Variants in HHAT observed in about 807,000 individuals in gnomAD.
The protein encoded by HHAT is hedgehog acyltransferase, also known as protein-cysteine N-palmitoyltransferase HHAT.
Under a neutral mutation model 70.8 loss-of-function variants are expected in HHAT, and 47 were observed. The ratio of observed to expected loss-of-function variants is 0.66; its 90% CI spans 0.53 to 0.85. The LOEUF is 0.85. Ranked by LOEUF, HHAT falls within the 40% of genes least tolerant of loss-of-function variation. The pLI, the probability that HHAT is intolerant of heterozygous loss-of-function variation, is 0.00. For synonymous variants in HHAT, 228 were observed against 247.6 expected, an observed-to-expected ratio of 0.92 and a Z score of 0.74; for missense variants, 609 against 604.8, an observed-to-expected ratio of 1.01 and a Z score of -0.07.
intron 9 of HHAT, among the ~76,000 whole-genome samples, chr1:210,542,517 G>A (rs1350189808): frequency 6.7e-6 from 1 of 150,362 alleles, no homozygotes. Context: ...ATATATATTG[G>A]TTGGATGCAG....
intron 9 of HHAT, among the ~76,000 whole-genome samples, chr1:210,560,860 G>C (rs1270947674): frequency 9.5e-6 from 1 of 105,290 alleles, no homozygotes; most frequent in African/African-American, 3.4e-5. Flanking sequence ...AACCAGAGTA[G>C]AATGTGGTGG....
At chr1:210,485,224 C>G (rs2094456735) in intron 8 of HHAT, among the ~76,000 whole-genome samples, 1 of 152,158 alleles carries the variant, frequency 6.6e-6, no homozygotes, top group Non-Finnish European at 1.5e-5. Context: ...AGAATAAGAA[C>G]ACATCTATAT....
chr1:210,498,437 T>C (rs955307345), intron 8 of HHAT, among the ~76,000 whole-genome samples: 1 of 152,230 alleles, frequency 6.6e-6, no homozygotes, highest in African/African-American at 2.4e-5. Context: ...ATTTAGTTTT[T>C]ATAACACAGA....
At chr1:210,522,365 A>G (rs2095171338) in intron 9 of HHAT, among the ~76,000 whole-genome samples, 1 of 152,208 alleles carries the variant, frequency 6.6e-6, no homozygotes. Context: ...GAAGCTAAGG[A>G]TCTGTGTGGT....
At chr1:210,565,806 C>T (rs1654587224) in intron 9 of HHAT, among the ~76,000 whole-genome samples, 1 of 152,138 alleles carries the variant, frequency 6.6e-6, no homozygotes, top group South Asian at 2.1e-4. Flanking sequence ...TTTCTTCAAC[C>T]TAAGTTGTCT....
At chr1:210,416,072 C>G (rs17016136) in intron 6 of HHAT, among the ~76,000 whole-genome samples, 4,229 of 152,258 alleles carry the variant, frequency 0.028, 205 homozygotes, top group African/African-American at 0.097. Flanking sequence ...ATGAGCCGAC[C>G]AAAATTTCTT....
intron 10 of HHAT, among the ~76,000 whole-genome samples, chr1:210,592,893 A>G (rs1049983221): frequency 3.5e-5 from 3 of 84,866 alleles, no homozygotes; most frequent in African/African-American, 1.2e-4. Context: ...TTTTTTTTTT[A>G]TTATACTTTA....
rs1346604226 is a variant in HHAT at position 210,329,054 on chromosome 1, C to A, written c.-94C>A. ...AGTGCCGAAAGAGGGGTGTTGGGAA[C>A]TCGCGGCGCGCGTGAACGTTGCCGT... is the stretch of plus-strand genomic sequence containing the variant. On this transcript the variant is annotated 5_prime_UTR_variant, in exon 1 of 12. Transcript: ENST00000261458. 9 of 1,432,740 alleles carry A rather than the reference C, an allele frequency of 6.3e-6. No homozygotes were observed. Among genetic ancestry groups the A allele is most frequent in the Middle Eastern group, 1.8e-4 (1 of 5,646 alleles). 88.8% of individuals were successfully genotyped at this position (1,432,740 alleles called of 1,614,324 possible). A position where few individuals can be genotyped will look rare whatever the true frequency, so the allele number is the denominator to read the frequency against.
intron 6 of HHAT, among the ~76,000 whole-genome samples, chr1:210,406,684 C>T (rs142664467): frequency 6.6e-6 from 1 of 152,306 alleles, no homozygotes; most frequent in East Asian, 1.9e-4. Context: ...AGCCTGGCCT[C>T]CCTTTTCAAA....
intron 8 of HHAT, among the ~76,000 whole-genome samples, chr1:210,493,360 C>G (rs2094581081): frequency 6.6e-6 from 1 of 152,168 alleles, no homozygotes; most frequent in Non-Finnish European, 1.5e-5. Context: ...AGTTGATGTT[C>G]TACTTTTGAA....
chr1:210,487,663 T>C (rs943021786), intron 8 of HHAT, among the ~76,000 whole-genome samples: 10 of 152,240 alleles, frequency 6.6e-5, no homozygotes, highest in Admixed American at 6.5e-4. Flanking sequence ...TGGCATATTA[T>C]TTTGAGCTAA....
rs115498744 is a variant in HHAT, at chr1:210,539,412, C to T, written c.1043+26224C>T. ...CCTCTTCTCACAGAATAGTCTTGACCTGGAAGGACCTATGGAGTAGGAAGG... is the reference window on the plus strand; with the variant it reads ...CCTCTTCTCACAGAATAGTCTTGACTTGGAAGGACCTATGGAGTAGGAAGG... On this transcript the variant is annotated intron_variant, in intron 9 of 11. Transcript: ENST00000261458. 3.9e-3 allele frequency among the ~76,000 whole-genome samples: 596 copies of T among 152,330 alleles called. 4 individuals are homozygous for T. Among genetic ancestry groups the T allele is most frequent in the African/African-American group, 0.014 (578 of 41,568 alleles).
chr1:210,349,179 C>A, intron 2 of HHAT, 113 bp downstream of exon 2: 2 of 1,100,488 alleles, frequency 1.8e-6, no homozygotes, highest in South Asian at 1.6e-5. Flanking sequence ...ATGATGTGGG[C>A]CTTGATTTGC....
chr1:210,614,167 T>C (rs190217695), intron 10 of HHAT, among the ~76,000 whole-genome samples: 9 of 152,298 alleles, frequency 5.9e-5, no homozygotes, highest in East Asian at 1.9e-4. Context: ...TTTTATTCTT[T>C]TTGATGCCAT....
At chr1:210,427,475 C>T (rs868134541) in intron 7 of HHAT, among the ~76,000 whole-genome samples, 10 of 152,170 alleles carry the variant, frequency 6.6e-5, no homozygotes, top group African/African-American at 2.2e-4. Context: ...TTGCCTTAGC[C>T]GTGTCCCAGA....
chr1:210,600,453 G>A (rs1416111620), intron 10 of HHAT, among the ~76,000 whole-genome samples: 2 of 152,312 alleles, frequency 1.3e-5, no homozygotes, highest in South Asian at 4.1e-4. Context: ...AATAGGTCTA[G>A]TGATGGCAAA....
chr1:210,669,206 C>T lies in HHAT; in HGVS notation c.1391-5082C>T, dbSNP rs540325186. ...ATGCTCTTTTCCGTCAGTATCAAAC[C>T]GCAGGCTTTCCATTCCTTTCAGACT... is the stretch of plus-strand genomic sequence containing the variant. On this transcript the variant is annotated intron_variant, in intron 11 of 11. Transcript: ENST00000261458. Among the ~76,000 whole-genome samples, 245 of 152,286 alleles carry T rather than the reference C, an allele frequency of 1.6e-3. 2 individuals are homozygous for T. Among genetic ancestry groups the T allele is most frequent in the Middle Eastern group, 0.014 (4 of 294 alleles).
intron 11 of HHAT, among the ~76,000 whole-genome samples, chr1:210,656,432 C>A (rs542595047): frequency 1.3e-5 from 2 of 152,140 alleles, no homozygotes; most frequent in Non-Finnish European, 2.9e-5. Context: ...GCCCTTTGAG[C>A]CTCTTGTTTC....
chr1:210,405,727 A>G lies in HHAT; in HGVS notation c.684+1048A>G, dbSNP rs2092303467. Among the ~76,000 whole-genome samples, 5 of 152,348 alleles carry G rather than the reference A, an allele frequency of 3.3e-5. No individual in the cohort carries two copies. In the South Asian group the frequency reaches 1.0e-3, roughly 32 times the overall value. On this transcript the variant is annotated intron_variant, in intron 6 of 11. Coordinates refer to ENST00000261458, the MANE Select transcript of HHAT (RefSeq NM_018194.6). Reference sequence around the variant, plus strand: ...CATTATAACAATAACATAATGTTCTAAAATTTCCAGTGAAAGTATGTAACT... The same window carrying G: ...CATTATAACAATAACATAATGTTCTGAAATTTCCAGTGAAAGTATGTAACT...
Sources: allele counts gnomAD v4.1 joint callset (sites outside exome capture counted in the v4.1 genomes callset), GRCh38; gene constraint gnomAD v4.1.1; transcripts MANE v1.5; gene names NCBI Gene and HGNC (gene_info 2026-07-23, HGNC 2026-07-21).